PTPN12: variants seen among roughly 807,000 people sequenced by gnomAD.
The protein encoded by PTPN12 is tyrosine-protein phosphatase non-receptor type 12.
A neutral mutation model predicts 97.6 loss-of-function variants in PTPN12; 29 were observed. The ratio of observed to expected loss-of-function variants is 0.30; its 90% CI spans 0.22 to 0.41. The LOEUF (loss-of-function observed/expected upper bound fraction) is 0.41. Ranked by LOEUF, PTPN12 falls within the 10% of genes least tolerant of loss-of-function variation. The pLI, the probability that PTPN12 is intolerant of heterozygous loss-of-function variation, is 1.00. For synonymous variants in PTPN12, 327 were observed against 300.4 expected (o/e 1.09, Z -0.91); for missense variants, 819 against 926.0 (o/e 0.88, Z 1.50).
intron 9 of PTPN12, among the ~76,000 whole-genome samples, chr7:77,610,263 G>T (rs963526194): frequency 1.3e-5 from 2 of 152,116 alleles, no homozygotes; most frequent in Non-Finnish European, 2.9e-5. Flanking sequence ...GGAGATACTG[G>T]CCAATAGAAT....
chr7:77,621,955 C>A (rs1788954345), intron 12 of PTPN12, among the ~76,000 whole-genome samples: 1 of 152,052 alleles, frequency 6.6e-6, no homozygotes. Context: ...TATTCCAATT[C>A]TTTCTGTTTT....
chr7:77,625,475 C>CGCTCTCTCTCTCTT (rs1562758652), intron 12 of PTPN12, among the ~76,000 whole-genome samples: 2 of 20,818 alleles, frequency 9.6e-5, no homozygotes, highest in African/African-American at 5.1e-4. Flanking sequence ...GCTGCTCGCT[C>CGCTCTCTCTCTCTT]TCTCTCTCTC....
chr7:77,586,323 T>G (rs1006761193), intron 5 of PTPN12, among the ~76,000 whole-genome samples: 1 of 152,224 alleles, frequency 6.6e-6, no homozygotes, highest in African/African-American at 2.4e-5. Flanking sequence ...TTCAGCTAGT[T>G]GTAATCTTTA....
intron 14 of PTPN12, among the ~76,000 whole-genome samples, chr7:77,635,151 A>C (rs1339092318): frequency 6.6e-6 from 1 of 152,226 alleles, no homozygotes; most frequent in East Asian, 1.9e-4. Flanking sequence ...AGAGCCAAGC[A>C]CAATGGCTTA....
chr7:77,607,337 A>G (rs1788407389), intron 9 of PTPN12, 36 bp downstream of exon 9: 1 of 1,388,658 alleles, frequency 7.2e-7, no homozygotes. Flanking sequence ...TGTTCAATTG[A>G]TCTATTATGA....
In PTPN12 at chr7:77,583,652, T is replaced by A; in HGVS notation, c.381+2T>A. 1 of 1,537,362 alleles carries A rather than the reference T, an allele frequency of 6.5e-7. No individual in the cohort carries two copies. The highest frequency in any genetic ancestry group is 8.9e-7 in the Non-Finnish European group (1 of 1,121,748). ...ATGATATGGGAGTATAATGTTGTGGTAAGTAATTTACTTTTCACAATAAAT... is the reference window on the plus strand; with the variant it reads ...ATGATATGGGAGTATAATGTTGTGGAAAGTAATTTACTTTTCACAATAAAT... On this transcript the variant is annotated splice_donor_variant, in intron 4 of 17. Transcript: ENST00000248594. LOFTEE classifies it high-confidence loss of function.
chr7:77,602,094 G>A (rs1584173358), intron 8 of PTPN12, among the ~76,000 whole-genome samples: 1 of 151,828 alleles, frequency 6.6e-6, no homozygotes, highest in Non-Finnish European at 1.5e-5. Context: ...TCGTTTGGAT[G>A]TGTTAAGAAA....
chr7:77,616,506 A>G (rs994354447), intron 11 of PTPN12, among the ~76,000 whole-genome samples: 2 of 152,214 alleles, frequency 1.3e-5, no homozygotes, highest in Admixed American at 1.3e-4. Context: ...TCCAAAATCC[A>G]AAGAAAACAT....
rs1189734337 is a variant in PTPN12 at position 77,605,419 on chromosome 7, T to G, written c.696-1816T>G. ...ATACTTTTGTCATGAGTTTTTTTTT[T>G]TTTTTTTTTTTTTTTTTTGAGACGG... is the stretch of plus-strand genomic sequence containing the variant. On this transcript the variant is annotated intron_variant, in intron 8 of 17. Coordinates refer to ENST00000248594, the MANE Select transcript of PTPN12 (RefSeq NM_002835.4). 1.8e-3 allele frequency among the ~76,000 whole-genome samples: 235 copies of G among 130,020 alleles called. 14 individuals are homozygous for G. The highest frequency in any genetic ancestry group is 6.0e-3 in the African/African-American group (200 of 33,356). The allele number at this position is 130,020 out of a possible 152,430, so 85.3% of individuals were successfully genotyped here. A position where few individuals can be genotyped will look rare whatever the true frequency, so the allele number is the denominator to read the frequency against.
Position 77,627,488 on chromosome 7 carries a change from T to C in PTPN12, c.1809T>C (p.Ser603=), listed in dbSNP as rs112995142. The change falls in exon 13 of 18, where the codon TCT becomes TCC. Residue 603 remains serine (S), a synonymous_variant. Coordinates refer to ENST00000248594, the MANE Select transcript of PTPN12 (RefSeq NM_002835.4). ...TPLSFTNPLH[S]DDSDSDERNS... ...TCAGTTTTACTAATCCACTTCACTC[T>C]GATGACTCAGACTCAGATGAAAGAA... 7.4e-4 allele frequency: 1,189 copies of C among 1,613,852 alleles called. 2 individuals are homozygous for C. The Middle Eastern group carries it at 8.3e-3, about 11-fold the overall frequency.
At chr7:77,636,405 G>C (rs1347259551) in intron 15 of PTPN12, among the ~76,000 whole-genome samples, 1 of 151,880 alleles carries the variant, frequency 6.6e-6, no homozygotes, top group Non-Finnish European at 1.5e-5. Context: ...AACATGGGGA[G>C]ACCTTATCTC....
chr7:77,560,595 T>C (rs1232056835), intron 1 of PTPN12, among the ~76,000 whole-genome samples: 2 of 152,202 alleles, frequency 1.3e-5, no homozygotes, highest in Non-Finnish European at 2.9e-5. Flanking sequence ...TATTACACTT[T>C]CTGTCTGTAT....
intron 13 of PTPN12, among the ~76,000 whole-genome samples, chr7:77,629,656 A>G (rs1207771463): frequency 6.6e-6 from 1 of 152,206 alleles, no homozygotes; most frequent in East Asian, 1.9e-4. Context: ...TTACTACTAC[A>G]TGACGAGTCT....
intron 11 of PTPN12, among the ~76,000 whole-genome samples, chr7:77,613,724 C>T (rs1788653230): frequency 6.6e-6 from 1 of 151,830 alleles, no homozygotes; most frequent in Non-Finnish European, 1.5e-5. Context: ...CTCCCAGACT[C>T]ACGGGTACAT....
chr7:77,599,065 AT>A (rs1788110517), intron 7 of PTPN12, among the ~76,000 whole-genome samples: 1 of 151,492 alleles, frequency 6.6e-6, no homozygotes, highest in Admixed American at 6.6e-5. Flanking sequence ...TAGTCTTGAC[AT>A]TTATGCTTAT....
At chr7:77,624,688 C>T (rs1175585299) in intron 12 of PTPN12, among the ~76,000 whole-genome samples, 1 of 151,750 alleles carries the variant, frequency 6.6e-6, no homozygotes, top group East Asian at 2.0e-4. Flanking sequence ...ATCCGCCTGC[C>T]TTGGCCTCCC....
At chr7:77,602,998 C>T (rs772500794) in intron 8 of PTPN12, among the ~76,000 whole-genome samples, 8 of 152,096 alleles carry the variant, frequency 5.3e-5, no homozygotes, top group Non-Finnish European at 1.2e-4. Flanking sequence ...CTTGGTTTGA[C>T]CGTAATGCTC....
intron 6 of PTPN12, among the ~76,000 whole-genome samples, chr7:77,597,055 T>C (rs1470740224): frequency 6.6e-6 from 1 of 152,184 alleles, no homozygotes; most frequent in East Asian, 1.9e-4. Context: ...TTCCCAACCC[T>C]AGGTAGTCAT....
Position 77,577,159 on chromosome 7 carries a change from C to T in PTPN12, c.209-4268C>T, listed in dbSNP as rs141462683. Among the ~76,000 whole-genome samples the T allele has an allele frequency of 1.1e-3, 173 of 152,256 alleles. 1 individual carries two copies. The highest frequency in any genetic ancestry group is 3.5e-3 in the African/African-American group (146 of 41,536). On this transcript the variant is annotated intron_variant, in intron 2 of 17. Coordinates refer to ENST00000248594, the MANE Select transcript of PTPN12 (RefSeq NM_002835.4). ...CTACATTTTCAGCCTTGTTGCTCAC[C>T]GCTTCCTTCCAGTAGTCCCATGTTG...
Sources: gnomAD v4.1 joint callset for allele counts (sites outside exome capture counted in the v4.1 genomes callset) on GRCh38, gnomAD v4.1.1 for gene constraint, MANE v1.5 for transcripts, NCBI Gene and HGNC (gene_info 2026-07-23, HGNC 2026-07-21) for gene names.